LPP: variants seen among roughly 807,000 people sequenced by gnomAD.
LPP encodes lipoma-preferred partner.
LPP carries 38 observed loss-of-function variants against 60.4 expected under a neutral mutation model. The observed-to-expected ratio is 0.63, with a 90% CI of 0.49 to 0.83. The LOEUF (loss-of-function observed/expected upper bound fraction) is 0.83, where lower values mean the gene tolerates loss of function less well. Ranked by LOEUF, LPP falls within the 40% of genes least tolerant of loss-of-function variation. LPP has a pLI of 0.00. For missense variants in LPP, 902 were observed against 783.6 expected (o/e 1.15, Z -1.80); for synonymous variants, 328 against 290.8 (o/e 1.13, Z -1.30).
intron 6 of LPP, among the ~76,000 whole-genome samples, chr3:188,605,738 G>A (rs555054160): frequency 3.3e-5 from 5 of 152,214 alleles, no homozygotes; most frequent in East Asian, 3.9e-4. Context: ...TTCACAGAAA[G>A]ATTTAAGAAG....
At chr3:188,632,322 C>T (rs1003211218) in intron 7 of LPP, among the ~76,000 whole-genome samples, 7 of 152,138 alleles carry the variant, frequency 4.6e-5, no homozygotes, top group Non-Finnish European at 7.4e-5. Flanking sequence ...CCACCTTCAG[C>T]TGAATGTTCA....
At chr3:188,862,163 C>T (rs1765343382) in intron 9 of LPP, among the ~76,000 whole-genome samples, 1 of 152,124 alleles carries the variant, frequency 6.6e-6, no homozygotes, top group Non-Finnish European at 1.5e-5. Flanking sequence ...CCTATACTTT[C>T]CCACAGGTGT....
intron 7 of LPP, among the ~76,000 whole-genome samples, chr3:188,612,944 G>A (rs1488360537): frequency 6.6e-6 from 1 of 152,028 alleles, no homozygotes; most frequent in Non-Finnish European, 1.5e-5. Context: ...ATGAAGAAAG[G>A]AAAGAGGCAG....
chr3:188,638,086 C>G (rs908241553), intron 7 of LPP, among the ~76,000 whole-genome samples: 1 of 147,836 alleles, frequency 6.8e-6, no homozygotes. Flanking sequence ...GACCAATATC[C>G]TTGATGAACA....
At chr3:188,865,342 A>T (rs1347000359) in intron 9 of LPP, among the ~76,000 whole-genome samples, 1 of 152,188 alleles carries the variant, frequency 6.6e-6, no homozygotes, top group Non-Finnish European at 1.5e-5. Flanking sequence ...TTTTCAAACC[A>T]GCTCCCTTCT....
chr3:188,450,427 A>G (rs1578990020), intron 4 of LPP, among the ~76,000 whole-genome samples: 1 of 152,262 alleles, frequency 6.6e-6, no homozygotes, highest in South Asian at 2.1e-4. Flanking sequence ...ACATTTATCT[A>G]TATGATCAGC....
chr3:188,442,483 T>C (rs1022328437), intron 4 of LPP, among the ~76,000 whole-genome samples: 2 of 152,236 alleles, frequency 1.3e-5, no homozygotes, highest in Non-Finnish European at 2.9e-5. Flanking sequence ...ATCACTGACG[T>C]AGCTGCTTTG....
chr3:188,531,214 G>A (rs189819761), intron 6 of LPP, among the ~76,000 whole-genome samples: 1 of 152,236 alleles, frequency 6.6e-6, no homozygotes, highest in Non-Finnish European at 1.5e-5. Flanking sequence ...AGACTAGTGT[G>A]ATACTGTGAA....
chr3:188,524,897 GTCCTTCCTTCCTTCCTTCCTTCCT>G (rs35581046), intron 6 of LPP, 110 bp downstream of exon 6: 12 of 237,736 alleles, frequency 5.0e-5, no homozygotes, highest in South Asian at 1.5e-4. Context: ...CCTTCCGTCC[GTCCTTCCTTCCTTCCTTCCTTCCT>G]TCCTTCCTTC....
At chr3:188,812,978 A>G (rs1259740247) in intron 9 of LPP, among the ~76,000 whole-genome samples, 2 of 152,144 alleles carry the variant, frequency 1.3e-5, no homozygotes, top group African/African-American at 2.4e-5. Context: ...ACCCAAACTA[A>G]TAAAAGGATT....
chr3:188,447,341 G>A (rs930806574), intron 4 of LPP, among the ~76,000 whole-genome samples: 13 of 152,138 alleles, frequency 8.5e-5, no homozygotes, highest in Non-Finnish European at 2.9e-5. Flanking sequence ...GCTGGGCGTG[G>A]TGGCTCACGC....
In LPP at chr3:188,168,001, TTA is replaced by T. The variant is rs1039225613; in HGVS notation, c.-190+13753_-190+13754del. Among the ~76,000 whole-genome samples, 13 of 152,372 alleles carry T rather than the reference TTA, an allele frequency of 8.5e-5. No individual in the cohort carries two copies. In the East Asian group the frequency reaches 1.2e-3, roughly 14 times the overall value. On this transcript the variant is annotated intron_variant, in intron 1 of 11. Coordinates refer to ENST00000617246, the MANE Select transcript of LPP (RefSeq NM_001375462.1). ...AGTGGTTTATTGTTTGTGTTTCTCT[TTA>T]TATGGATTGTCATATGACAATATTT...
intron 2 of LPP, among the ~76,000 whole-genome samples, chr3:188,333,809 G>A (rs1360670439): frequency 6.6e-6 from 1 of 152,164 alleles, no homozygotes; most frequent in Non-Finnish European, 1.5e-5. Context: ...TGTATACAAT[G>A]TGTAAAGATC....
chr3:188,237,361 T>C (rs1296991347), intron 2 of LPP, among the ~76,000 whole-genome samples: 2 of 152,244 alleles, frequency 1.3e-5, no homozygotes, highest in Non-Finnish European at 2.9e-5. Flanking sequence ...ATGCTGATAT[T>C]TTGACCTTCT....
chr3:188,455,705 A>C (rs549618925), intron 4 of LPP, among the ~76,000 whole-genome samples: 12 of 152,184 alleles, frequency 7.9e-5, no homozygotes, highest in African/African-American at 2.9e-4. Flanking sequence ...ACTGTAACCT[A>C]TTCTAGATAT....
At chr3:188,238,808 G>A (rs1722804754) in intron 2 of LPP, among the ~76,000 whole-genome samples, 1 of 152,132 alleles carries the variant, frequency 6.6e-6, no homozygotes, top group Non-Finnish European at 1.5e-5. Context: ...GTGACACAGA[G>A]CCATGAAATG....
At chr3:188,504,571 C>T (rs1439282724) in intron 5 of LPP, among the ~76,000 whole-genome samples, 1 of 152,192 alleles carries the variant, frequency 6.6e-6, no homozygotes, top group Non-Finnish European at 1.5e-5. Context: ...GACCTTTTCT[C>T]TTCCCCAAGG....
chr3:188,731,095 T>C (rs1430915712), intron 8 of LPP, among the ~76,000 whole-genome samples: 1 of 152,228 alleles, frequency 6.6e-6, no homozygotes, highest in Non-Finnish European at 1.5e-5. Flanking sequence ...TTCATAGGTT[T>C]CAAGCATTTG....
intron 7 of LPP, among the ~76,000 whole-genome samples, chr3:188,665,321 A>G (rs1855520601): frequency 6.6e-6 from 1 of 152,166 alleles, no homozygotes; most frequent in Non-Finnish European, 1.5e-5. Context: ...AAACTGGAAT[A>G]TTAGGAAAAA....
Sources: allele counts gnomAD v4.1 joint callset (sites outside exome capture counted in the v4.1 genomes callset), GRCh38; gene constraint gnomAD v4.1.1; transcripts MANE v1.5; gene names NCBI Gene and HGNC (gene_info 2026-07-23, HGNC 2026-07-21).